Variants in OPCML observed in about 807,000 individuals in gnomAD.
The protein encoded by OPCML is opioid-binding protein/cell adhesion molecule.
OPCML carries 13 observed loss-of-function variants against 37.8 expected under a neutral mutation model. That is an observed-to-expected ratio of 0.34 (90% CI 0.22 to 0.55). The LOEUF (loss-of-function observed/expected upper bound fraction) is 0.55, where lower values mean the gene tolerates loss of function less well. Ranked by LOEUF, OPCML falls within the 20% of genes least tolerant of loss-of-function variation. The probability of loss-of-function intolerance (pLI) is 0.91; values close to 1 mark genes in which losing one functional copy is unlikely to be tolerated. For missense variants in OPCML, 341 were observed against 435.6 expected (o/e 0.78, Z 1.93); for synonymous variants, 176 against 168.8 (o/e 1.04, Z -0.33).
At chr11:133,402,478 A>G (rs1030850971) in intron 1 of OPCML, among the ~76,000 whole-genome samples, 16 of 152,220 alleles carry the variant, frequency 1.1e-4, no homozygotes, top group African/African-American at 3.6e-4. Context: ...AATCTAGAGA[A>G]GCAAGGCAGC....
chr11:133,217,146 C>T (rs899095606), intron 1 of OPCML, among the ~76,000 whole-genome samples: 4 of 152,152 alleles, frequency 2.6e-5, no homozygotes, highest in African/African-American at 9.7e-5. Context: ...CTCTCACCTC[C>T]AGGTGAGCAG....
intron 3 of OPCML, among the ~76,000 whole-genome samples, chr11:132,623,726 G>T (rs982040774): frequency 3.9e-5 from 6 of 152,132 alleles, no homozygotes; most frequent in African/African-American, 1.4e-4. Context: ...CCTGGCACAG[G>T]GTCAATTTGG....
chr11:133,025,535 CTGAAAA>C, intron 1 of OPCML: 1 of 917,526 alleles, frequency 1.1e-6, no homozygotes, highest in Non-Finnish European at 1.3e-6. Context: ...GAAAGCAAAG[CTGAAAA>C]TTTAAAAAGA....
chr11:133,007,643 T>C (rs1044268882), intron 1 of OPCML: 2 of 985,310 alleles, frequency 2.0e-6, no homozygotes, highest in African/African-American at 3.5e-5. Context: ...GCATTTTTAT[T>C]CTCTTTCAGT....
intron 2 of OPCML, among the ~76,000 whole-genome samples, chr11:132,710,439 C>T (rs1001194614): frequency 6.6e-6 from 1 of 152,082 alleles, no homozygotes; most frequent in Non-Finnish European, 1.5e-5. Context: ...AAAGGAGACA[C>T]GATGATATGT....
chr11:132,857,588 T>C (rs751961357), intron 2 of OPCML, among the ~76,000 whole-genome samples: 4 of 152,172 alleles, frequency 2.6e-5, no homozygotes, highest in Non-Finnish European at 5.9e-5. Flanking sequence ...TACTTAAAAA[T>C]ATATATATAC....
At chr11:133,518,998 C>G (rs74774493) in intron 1 of OPCML, among the ~76,000 whole-genome samples, 6,636 of 152,180 alleles carry the variant, frequency 0.044, 195 homozygotes, top group South Asian at 0.097. Context: ...TCCTCCTCTT[C>G]AACACGGGAG....
intron 4 of OPCML, among the ~76,000 whole-genome samples, chr11:132,519,713 G>T (rs2096288091): frequency 1.3e-5 from 2 of 152,132 alleles, no homozygotes; most frequent in African/African-American, 2.4e-5. Flanking sequence ...CAGCTTGTTT[G>T]CCCATAACTG....
At chr11:133,423,178 T>C (rs1221487843) in intron 1 of OPCML, 2 of 985,158 alleles carry the variant, frequency 2.0e-6, no homozygotes, top group Non-Finnish European at 2.4e-6. Flanking sequence ...CTTGAAGAAT[T>C]TTAACTTTAT....
chr11:132,464,763 C>A (rs948641466), intron 4 of OPCML, among the ~76,000 whole-genome samples: 3 of 151,934 alleles, frequency 2.0e-5, no homozygotes, highest in Non-Finnish European at 4.4e-5. Flanking sequence ...ATATTTTTTT[C>A]TTTACTTCTT....
At chr11:133,496,607 T>C (rs1329930973) in intron 1 of OPCML, among the ~76,000 whole-genome samples, 2 of 152,208 alleles carry the variant, frequency 1.3e-5, no homozygotes, top group East Asian at 3.8e-4. Flanking sequence ...CTTGTAGAAG[T>C]CTTTTGATTC....
At chr11:132,850,554 T>C (rs1224600172) in intron 2 of OPCML, among the ~76,000 whole-genome samples, 7 of 151,876 alleles carry the variant, frequency 4.6e-5, no homozygotes, top group Non-Finnish European at 1.0e-4. Flanking sequence ...TGTTTACACT[T>C]TAGTTCAGAT....
intron 2 of OPCML, among the ~76,000 whole-genome samples, chr11:132,781,618 A>C (rs1468585923): frequency 1.2e-4 from 17 of 137,150 alleles, no homozygotes; most frequent in Middle Eastern, 3.4e-3. Flanking sequence ...ACACACACAC[A>C]CCCTATTTTT....
chr11:132,662,071 C>T (rs74842654), intron 2 of OPCML, among the ~76,000 whole-genome samples: 3,348 of 152,224 alleles, frequency 0.022, 110 homozygotes, highest in African/African-American at 0.065. Context: ...GATTCAGGGT[C>T]GTTTTGTTTT....
chr11:133,039,155 G>A (rs1380340276), intron 1 of OPCML, among the ~76,000 whole-genome samples: 1 of 152,162 alleles, frequency 6.6e-6, no homozygotes, highest in Non-Finnish European at 1.5e-5. Context: ...TGGCAGGGGA[G>A]TGCCAGGGAG....
intron 1 of OPCML, among the ~76,000 whole-genome samples, chr11:133,531,944 C>T (rs925661203): frequency 2.0e-5 from 3 of 152,164 alleles, no homozygotes; most frequent in Non-Finnish European, 4.4e-5. Flanking sequence ...TCTCCTACCC[C>T]CAGGACCACA....
chr11:133,466,421 A>C (rs976575001), intron 1 of OPCML, among the ~76,000 whole-genome samples: 6 of 152,234 alleles, frequency 3.9e-5, no homozygotes, highest in Non-Finnish European at 8.8e-5. Flanking sequence ...TTCTGGAAGA[A>C]GTAGAACCGG....
chr11:132,427,722 G>A lies in OPCML; in HGVS notation c.917-7429C>T, dbSNP rs369551990. Among the ~76,000 whole-genome samples the A allele has an allele frequency of 1.8e-4, 28 of 152,348 alleles. No homozygotes were observed. The South Asian group carries it at 5.4e-3, about 29-fold the overall frequency. On this transcript the variant is annotated intron_variant, in intron 7 of 7. Coordinates refer to ENST00000524381, the MANE Select transcript of OPCML (RefSeq NM_001012393.5). ...GTCTTTGTTGAACCATAAGCTCTGT[G>A]TCTGTGCTGACATCAGCACACCCTG...
intron 3 of OPCML, 131 bp downstream of exon 3, chr11:132,656,956 A>G (rs1039858028): frequency 3.4e-6 from 5 of 1,452,714 alleles, no homozygotes; most frequent in Non-Finnish European, 4.6e-6. Flanking sequence ...TCCAAGACAT[A>G]TAGTCAAACT....
Sources: allele counts gnomAD v4.1 joint callset (sites outside exome capture counted in the v4.1 genomes callset), GRCh38; gene constraint gnomAD v4.1.1; transcripts MANE v1.5; gene names NCBI Gene and HGNC (gene_info 2026-07-23, HGNC 2026-07-21).